Variants in LRRTM4 observed in about 807,000 individuals in gnomAD.
LRRTM4 encodes leucine rich repeat transmembrane neuronal 4.
Under a neutral mutation model 47.6 loss-of-function variants are expected in LRRTM4, and 25 were observed. The observed-to-expected ratio is 0.53, with a 90% CI of 0.38 to 0.73. LRRTM4 has a LOEUF of 0.73. Ranked by LOEUF, LRRTM4 falls within the 30% of genes least tolerant of loss-of-function variation. The pLI is 0.00. For missense variants in LRRTM4, 638 were observed against 713.4 expected (o/e 0.89, Z 1.20); for synonymous variants, 311 against 269.5 (o/e 1.15, Z -1.51).
At chr2:77,498,699 C>T (rs1025076190) in intron 3 of LRRTM4, among the ~76,000 whole-genome samples, 18 of 151,802 alleles carry the variant, frequency 1.2e-4, no homozygotes, top group African/African-American at 4.3e-4. Flanking sequence ...CATTGCCTCA[C>T]CATATCCAAA....
At chr2:76,989,225 G>C (rs1230958604) in intron 3 of LRRTM4, among the ~76,000 whole-genome samples, 1 of 151,744 alleles carries the variant, frequency 6.6e-6, no homozygotes, top group Non-Finnish European at 1.5e-5. Context: ...GTAGCAGGTA[G>C]ATTGAAAATT....
rs189301453 is a variant in LRRTM4, at chr2:76,937,861, C to T, written c.1552-188945G>A. On this transcript the variant is annotated intron_variant, in intron 3 of 3. Transcript: ENST00000409884. ...GATTACAGGCATGAGCCACTGCACC[C>T]GGCCATCTTTATATATATATTTTTA... Among the ~76,000 whole-genome samples, 339 of 152,118 alleles carry T rather than the reference C, an allele frequency of 2.2e-3. 7 individuals are homozygous for T. Among genetic ancestry groups the T allele is most frequent in the African/African-American group, 7.7e-3 (320 of 41,500 alleles).
At chr2:77,335,033 C>A (rs934503969) in intron 3 of LRRTM4, among the ~76,000 whole-genome samples, 1 of 152,056 alleles carries the variant, frequency 6.6e-6, no homozygotes, top group African/African-American at 2.4e-5. Flanking sequence ...TAGCTTTTTC[C>A]TTTTCCTTTC....
At position 76,826,419 on chromosome 2, in the gene LRRTM4, GA is replaced by G. The variant is rs944632097; in HGVS notation, c.1552-77504del. On this transcript the variant is annotated intron_variant, in intron 3 of 3. Coordinates refer to ENST00000409884, the MANE Select transcript of LRRTM4 (RefSeq NM_001134745.3). ...TATATGATCTAGTTTTGCATAAAAG[GA>G]AAAAAATAATAAAGCTTGACACTAT... Among the ~76,000 whole-genome samples the G allele has an allele frequency of 1.8e-4, 27 of 151,422 alleles. No individual in the cohort carries two copies. The South Asian group carries it at 4.4e-3, about 24-fold the overall frequency.
intron 3 of LRRTM4, among the ~76,000 whole-genome samples, chr2:77,286,166 T>A (rs1474143637): frequency 6.6e-6 from 1 of 152,060 alleles, no homozygotes; most frequent in Non-Finnish European, 1.5e-5. Flanking sequence ...CCAGTCAAGT[T>A]GCCTCAATCT....
intron 3 of LRRTM4, among the ~76,000 whole-genome samples, chr2:76,890,316 G>A (rs1316274328): frequency 6.6e-6 from 1 of 151,944 alleles, no homozygotes; most frequent in Non-Finnish European, 1.5e-5. Context: ...AATAAAAAAT[G>A]CAAAGAGGGA....
intron 3 of LRRTM4, among the ~76,000 whole-genome samples, chr2:76,813,815 C>T (rs1670818392): frequency 6.6e-6 from 1 of 152,116 alleles, no homozygotes. Context: ...CATAGAGTTC[C>T]CGTATTGCAC....
At chr2:76,891,192 C>T (rs1673242102) in intron 3 of LRRTM4, among the ~76,000 whole-genome samples, 2 of 151,520 alleles carry the variant, frequency 1.3e-5, no homozygotes, top group African/African-American at 4.8e-5. Context: ...TTCTTCCTCC[C>T]AAGATGTTTG....
At chr2:76,919,192 G>A (rs72821278) in intron 3 of LRRTM4, among the ~76,000 whole-genome samples, 19,517 of 151,990 alleles carry the variant, frequency 0.13, 1,688 homozygotes, top group East Asian at 0.46. Context: ...GGGGAGGTTG[G>A]CAGTGGGAGT....
Position 77,194,199 on chromosome 2 carries a change from G to T in LRRTM4, c.1551+324119C>A, listed in dbSNP as rs533356023. On this transcript the variant is annotated intron_variant, in intron 3 of 3. Coordinates refer to ENST00000409884, the MANE Select transcript of LRRTM4 (RefSeq NM_001134745.3). The stretch of plus-strand genomic sequence containing the variant: ...GAAAATATGACTATATCTTGAGTAT[G>T]GCAGAGAAGAAAATAAAGAAAACTG... 1.7e-4 allele frequency among the ~76,000 whole-genome samples: 26 copies of T among 152,134 alleles called. No homozygotes were observed. The South Asian group carries it at 5.4e-3, about 32-fold the overall frequency.
chr2:76,791,757 C>G (rs1395869731), intron 3 of LRRTM4, among the ~76,000 whole-genome samples: 1 of 152,186 alleles, frequency 6.6e-6, no homozygotes, highest in Admixed American at 6.5e-5. Context: ...TACAGATATA[C>G]AGCAGATAGG....
chr2:76,930,439 T>C lies in LRRTM4; in HGVS notation c.1552-181523A>G, dbSNP rs557412737. ...TGTTCTTATTTTATTATTTTCTTCCTTTTTGCACATATTGGCTCTTTTGAT... is the reference window on the plus strand; with the variant it reads ...TGTTCTTATTTTATTATTTTCTTCCCTTTTGCACATATTGGCTCTTTTGAT... On this transcript the variant is annotated intron_variant, in intron 3 of 3. Coordinates refer to ENST00000409884, the MANE Select transcript of LRRTM4 (RefSeq NM_001134745.3). 2.0e-5 allele frequency among the ~76,000 whole-genome samples: 3 copies of C among 152,324 alleles called. No individual in the cohort carries two copies. In the South Asian group the frequency reaches 6.2e-4, roughly 32 times the overall value.
chr2:77,157,120 A>G (rs1297374569), intron 3 of LRRTM4, among the ~76,000 whole-genome samples: 4 of 152,190 alleles, frequency 2.6e-5, no homozygotes, highest in Admixed American at 2.0e-4. Flanking sequence ...ATTACTTAAC[A>G]TTAGAAATCC....
At chr2:76,787,360 T>C (rs1197691088) in intron 3 of LRRTM4, among the ~76,000 whole-genome samples, 1 of 152,104 alleles carries the variant, frequency 6.6e-6, no homozygotes, top group Non-Finnish European at 1.5e-5. Flanking sequence ...ATCTCTTTTC[T>C]TTTTATTGAT....
chr2:77,140,025 A>G (rs10183120), intron 3 of LRRTM4, among the ~76,000 whole-genome samples: 2,686 of 152,288 alleles, frequency 0.018, 72 homozygotes, highest in African/African-American at 0.059. Context: ...CAAAGAATCA[A>G]TATCCTGAAA....
At chr2:77,401,987 A>G (rs992333454) in intron 3 of LRRTM4, among the ~76,000 whole-genome samples, 1 of 152,032 alleles carries the variant, frequency 6.6e-6, no homozygotes, top group Non-Finnish European at 1.5e-5. Context: ...ATTGCTTATA[A>G]AGAGATTACT....
chr2:76,781,797 C>G (rs114252704), intron 3 of LRRTM4, among the ~76,000 whole-genome samples: 13 of 151,696 alleles, frequency 8.6e-5, no homozygotes, highest in Non-Finnish European at 1.5e-4. Context: ...TGTGGCATTT[C>G]TATTTTTTTT....
intron 3 of LRRTM4, among the ~76,000 whole-genome samples, chr2:77,346,282 T>A (rs1481066247): frequency 1.3e-5 from 2 of 151,988 alleles, no homozygotes; most frequent in East Asian, 1.9e-4. Context: ...AACTGCCATA[T>A]CTCCCAATTA....
chr2:77,383,645 T>C (rs1161393690), intron 3 of LRRTM4, among the ~76,000 whole-genome samples: 9 of 152,128 alleles, frequency 5.9e-5, no homozygotes, highest in Admixed American at 5.2e-4. Context: ...GCATATGTTG[T>C]GTCATTTAAT....
Sources: allele counts gnomAD v4.1 joint callset (sites outside exome capture counted in the v4.1 genomes callset), GRCh38; gene constraint gnomAD v4.1.1; transcripts MANE v1.5; gene names NCBI Gene and HGNC (gene_info 2026-07-23, HGNC 2026-07-21).